The following GRIP1 variants were observed in gnomAD, a reference collection of about 807,000 sequenced individuals.
GRIP1 encodes glutamate receptor interacting protein 1.
Under a neutral mutation model 129.9 loss-of-function variants are expected in GRIP1, and 45 were observed. That is an observed-to-expected ratio of 0.35 (90% CI 0.27 to 0.44). The LOEUF (loss-of-function observed/expected upper bound fraction) is 0.44, where lower values mean the gene tolerates loss of function less well. Ranked by LOEUF, GRIP1 falls within the 20% of genes least tolerant of loss-of-function variation. The probability of loss-of-function intolerance (pLI) is 1.00; values close to 1 mark genes in which losing one functional copy is unlikely to be tolerated. For missense variants in GRIP1, 1,196 were observed against 1,396.8 expected (o/e 0.86, Z 2.29); for synonymous variants, 530 against 520.8 (o/e 1.02, Z -0.24).
chr12:66,489,644 G>A (rs549986830), intron 7 of GRIP1, among the ~76,000 whole-genome samples: 1 of 151,974 alleles, frequency 6.6e-6, no homozygotes, highest in Non-Finnish European at 1.5e-5. Flanking sequence ...AGAAATAAAG[G>A]GTATTCAAAT....
intron 1 of GRIP1, among the ~76,000 whole-genome samples, chr12:66,959,026 A>G (rs1189650432): frequency 1.3e-5 from 2 of 152,084 alleles, no homozygotes; most frequent in African/African-American, 4.8e-5. Context: ...ATGGATGAAC[A>G]ACGTCTTAAA....
Position 66,465,355 on chromosome 12 carries a change from C to T in GRIP1, c.792G>A (p.Gly264=). The T allele has an allele frequency of 6.2e-7, 1 of 1,613,824 alleles. No homozygotes were observed. Among genetic ancestry groups the T allele is most frequent in the Non-Finnish European group, 8.5e-7 (1 of 1,179,762 alleles). The change falls in exon 8 of 25, where the codon GGG becomes GGA. Residue 264 remains glycine (G), a synonymous_variant. Coordinates refer to ENST00000359742, the MANE Select transcript of GRIP1 (RefSeq NM_001366722.1). ...EVAKTPGASL[G]VALTTSMCCN... ...AGCACATCGAGGTAGTTAGGGCAAC[C>T]CCAAGGCTGGCACCAGGAGTTTTGG...
chr12:66,619,260 C>T (rs1322486021), intron 1 of GRIP1, among the ~76,000 whole-genome samples: 1 of 152,010 alleles, frequency 6.6e-6, no homozygotes, highest in African/African-American at 2.4e-5. Flanking sequence ...TCTTTTAAAA[C>T]AGAGTACAAA....
At chr12:66,920,339 G>A (rs1195370024) in intron 1 of GRIP1, among the ~76,000 whole-genome samples, 10 of 152,054 alleles carry the variant, frequency 6.6e-5, no homozygotes, top group South Asian at 2.1e-4. Context: ...TGGCCCACTG[G>A]TATAATCACT....
intron 1 of GRIP1, among the ~76,000 whole-genome samples, chr12:66,844,618 C>T (rs1301952249): frequency 6.6e-6 from 1 of 152,146 alleles, no homozygotes; most frequent in Non-Finnish European, 1.5e-5. Flanking sequence ...ATGCTGAAAA[C>T]AATTGATTGC....
At chr12:66,836,335 C>G (rs572815579) in intron 1 of GRIP1, among the ~76,000 whole-genome samples, 3 of 152,218 alleles carry the variant, frequency 2.0e-5, no homozygotes, top group South Asian at 2.1e-4. Context: ...CAGGCCTTAA[C>G]TGGCTCCCAT....
In GRIP1 at chr12:66,539,160, G is replaced by C. The variant is rs1211072029; in HGVS notation, c.336C>G (p.Phe112Leu). 3 of 1,614,028 alleles carry C rather than the reference G, an allele frequency of 1.9e-6. No homozygotes were observed. The highest frequency in any genetic ancestry group is 2.5e-6 in the Non-Finnish European group (3 of 1,179,962). ...GCAAGCTGATGATCTCGTCATGGCG[G>C]AATTTGGCCAGGTTGATTCCATTCA... is the stretch of plus-strand genomic sequence containing the variant. ...KAVNGINLAK[F>L]RHDEIISLLK... is the part of the protein sequence containing the mutation. The change falls in exon 4 of 25, where the codon TTC becomes TTG. Residue 112 changes from phenylalanine to leucine, a missense_variant. Coordinates refer to ENST00000359742, the MANE Select transcript of GRIP1 (RefSeq NM_001366722.1).
At position 66,846,775 on chromosome 12, in the gene GRIP1, T is replaced by C. The variant is rs146800429; in HGVS notation, c.58+222275A>G. 3.9e-5 allele frequency among the ~76,000 whole-genome samples: 6 copies of C among 152,298 alleles called. No individual in the cohort carries two copies. The East Asian group carries it at 1.2e-3, about 29-fold the overall frequency. On this transcript the variant is annotated intron_variant, in intron 1 of 1. Coordinates refer to the GRIP1 transcript ENST00000643019. ...TTATAATTCCCAAGAAAGGAGTACA[T>C]GTCACACCACAGGGGGCCATGTGGG...
At chr12:66,437,855 C>T (rs534885463) in intron 13 of GRIP1, among the ~76,000 whole-genome samples, 1 of 152,296 alleles carries the variant, frequency 6.6e-6, no homozygotes, top group Admixed American at 6.5e-5. Flanking sequence ...TTGCTTCATC[C>T]TGGTAACATC....
chr12:66,402,508 A>G (rs556920106), intron 16 of GRIP1, among the ~76,000 whole-genome samples: 1 of 152,332 alleles, frequency 6.6e-6, no homozygotes, highest in African/African-American at 2.4e-5. Flanking sequence ...AAATGCTTAC[A>G]TTTTGAAGTA....
At chr12:67,014,619 TTCTGTGG>T (rs539024993) in intron 1 of GRIP1, among the ~76,000 whole-genome samples, 142 of 152,088 alleles carry the variant, frequency 9.3e-4, no homozygotes, top group Non-Finnish European at 1.8e-3. Context: ...ACAAAGGGGG[TTCTGTGG>T]TCCATTATAT....
intron 1 of GRIP1, among the ~76,000 whole-genome samples, chr12:66,951,884 TG>T (rs1192500081): frequency 2.6e-5 from 4 of 152,044 alleles, no homozygotes; most frequent in Non-Finnish European, 5.9e-5. Flanking sequence ...ATGACAGTGA[TG>T]ATGAGGAAGA....
intron 2 of GRIP1, among the ~76,000 whole-genome samples, chr12:66,566,478 C>G (rs1288593697): frequency 6.6e-6 from 1 of 151,978 alleles, no homozygotes; most frequent in Non-Finnish European, 1.5e-5. Context: ...GCCCACTTGA[C>G]CGTGGTGGAT....
chr12:66,686,835 T>C (rs2034803533), intron 1 of GRIP1, among the ~76,000 whole-genome samples: 1 of 152,072 alleles, frequency 6.6e-6, no homozygotes, highest in African/African-American at 2.4e-5. Context: ...GGCAGGAGGA[T>C]CACTTGAGCC....
In GRIP1 at chr12:66,726,230, T is replaced by C. The variant is rs563554685; in HGVS notation, c.-420+77823A>G. ...ATGAGTTAATTTTCTCACACCACAC[T>C]GCTTTACAATATTGTAAGGCAGCAG... is the stretch of plus-strand genomic sequence containing the variant. On this transcript the variant is annotated intron_variant, in intron 1 of 4. Transcript: ENST00000538373. 2.0e-5 allele frequency among the ~76,000 whole-genome samples: 3 copies of C among 152,334 alleles called. No homozygotes were observed. The South Asian group carries it at 6.2e-4, about 32-fold the overall frequency.
At chr12:66,781,742 G>C (rs910620273) in intron 1 of GRIP1, among the ~76,000 whole-genome samples, 1 of 152,204 alleles carries the variant, frequency 6.6e-6, no homozygotes, top group Non-Finnish European at 1.5e-5. Context: ...GTATTGGAGA[G>C]AAAGCTGTAT....
chr12:66,506,008 C>G (rs2060516624), intron 7 of GRIP1, among the ~76,000 whole-genome samples: 1 of 152,142 alleles, frequency 6.6e-6, no homozygotes, highest in African/African-American at 2.4e-5. Flanking sequence ...TTATTATATT[C>G]TTTTCAGAAT....
chr12:66,997,451 G>A (rs1053763377), intron 1 of GRIP1, among the ~76,000 whole-genome samples: 1 of 152,060 alleles, frequency 6.6e-6, no homozygotes, highest in African/African-American at 2.4e-5. Flanking sequence ...AATAAGAAAA[G>A]TAGGTAGTAA....
intron 13 of GRIP1, among the ~76,000 whole-genome samples, chr12:66,442,223 C>T (rs753091057): frequency 1.7e-4 from 26 of 152,204 alleles, no homozygotes; most frequent in Non-Finnish European, 3.2e-4. Context: ...CCTCTAACTC[C>T]ATCACCAAAT....
Sources: gnomAD v4.1 joint callset for allele counts (sites outside exome capture counted in the v4.1 genomes callset) on GRCh38, gnomAD v4.1.1 for gene constraint, MANE v1.5 for transcripts, NCBI Gene and HGNC (gene_info 2026-07-23, HGNC 2026-07-21) for gene names.